The following TEX11 variants were observed in gnomAD, a reference collection of about 807,000 sequenced individuals.
TEX11 encodes testis-expressed protein 11.
Under a neutral mutation model 84.4 loss-of-function variants are expected in TEX11, and 7 were observed. The observed-to-expected ratio is 0.08, with a 90% CI of 0.05 to 0.16. The LOEUF is 0.16. Among genes scored for constraint, TEX11 ranks in the 10% least tolerant of loss-of-function variants. The pLI is 1.00. For synonymous variants in TEX11, 264 were observed against 222.8 expected, an observed-to-expected ratio of 1.18 and a Z score of -1.64; for missense variants, 551 against 660.5, an observed-to-expected ratio of 0.83 and a Z score of 1.82.
intron 11 of TEX11, among the ~76,000 whole-genome samples, chrX:70,732,152 C>T (rs1288369134): frequency 1.8e-5 from 2 of 111,396 alleles, no homozygotes; most frequent in Non-Finnish European, 3.8e-5. Flanking sequence ...TGGGATGTAT[C>T]TCAAAATAAT....
chrX:70,658,137 G>A (rs1249315527), intron 16 of TEX11, among the ~76,000 whole-genome samples: 1 of 111,521 alleles, frequency 9.0e-6, no homozygotes, highest in African/African-American at 3.3e-5. Flanking sequence ...ATTAGCGGTG[G>A]GGCGTCGTGA....
chrX:70,820,892 G>A (rs892151901), intron 8 of TEX11, among the ~76,000 whole-genome samples: 4 of 111,411 alleles, frequency 3.6e-5, no homozygotes, highest in Non-Finnish European at 5.6e-5. Flanking sequence ...ACCTGAAACC[G>A]TAAAACTTTT....
At chrX:70,511,714 T>C in the TEX11 span, among the ~76,000 whole-genome samples, 2 of 86,359 alleles carry the variant, frequency 2.3e-5, no homozygotes, top group Admixed American at 1.4e-4. Flanking sequence ...GACCGCACCA[T>C]TGCACTCCAA....
At chrX:70,550,874 G>A (rs1032814791) in intron 28 of TEX11, among the ~76,000 whole-genome samples, 2 of 111,453 alleles carry the variant, frequency 1.8e-5, no homozygotes, top group Non-Finnish European at 3.8e-5. Flanking sequence ...TTGAGTTACC[G>A]TATGATCCAG....
chrX:70,512,914 C>T, the TEX11 span, among the ~76,000 whole-genome samples: 5 of 109,176 alleles, frequency 4.6e-5, no homozygotes, highest in Non-Finnish European at 7.6e-5. Context: ...GCAGTTGTCC[C>T]TCTTGTAGGG....
intron 14 of TEX11, among the ~76,000 whole-genome samples, chrX:70,679,841 C>T (rs2090124073): frequency 9.9e-6 from 1 of 100,892 alleles, no homozygotes; most frequent in African/African-American, 3.6e-5. Flanking sequence ...GAGGGGTCAG[C>T]CCCCCGCCCG....
chrX:70,811,297 C>A (rs2091252618), intron 8 of TEX11, among the ~76,000 whole-genome samples: 1 of 109,659 alleles, frequency 9.1e-6, no homozygotes, highest in Admixed American at 9.8e-5. Context: ...GTCTTTGTGA[C>A]AGTTTGCTGA....
chrX:70,763,337 T>G (rs897444015), intron 9 of TEX11, among the ~76,000 whole-genome samples: 1 of 111,292 alleles, frequency 9.0e-6, no homozygotes, highest in African/African-American at 3.3e-5. Flanking sequence ...GTGAAGTGAC[T>G]CAGGAATGGA....
At chrX:70,589,822 T>C (rs2088904636) in intron 25 of TEX11, among the ~76,000 whole-genome samples, 1 of 112,340 alleles carries the variant, frequency 8.9e-6, no homozygotes, top group South Asian at 3.7e-4. Flanking sequence ...GCATACTTGC[T>C]TAAAGAAAAG....
At chrX:70,842,392 C>T (rs1323661856) in intron 7 of TEX11, among the ~76,000 whole-genome samples, 1 of 111,443 alleles carries the variant, frequency 9.0e-6, no homozygotes, top group Non-Finnish European at 1.9e-5. Context: ...ACATGATTAT[C>T]TCAATAGATG....
intron 9 of TEX11, among the ~76,000 whole-genome samples, chrX:70,760,293 C>G (rs1317890997): frequency 9.0e-6 from 1 of 111,670 alleles, no homozygotes; most frequent in Non-Finnish European, 1.9e-5. Flanking sequence ...CAAAAAAGAG[C>G]CCACATTACC....
At chrX:70,658,973 A>C (rs2089900030) in intron 16 of TEX11, among the ~76,000 whole-genome samples, 1 of 112,372 alleles carries the variant, frequency 8.9e-6, no homozygotes, top group African/African-American at 3.2e-5. Flanking sequence ...CAGTCTTTTC[A>C]ACAAATGGTG....
intron 5 of TEX11, among the ~76,000 whole-genome samples, chrX:70,856,273 A>G (rs1346871452): frequency 9.0e-6 from 1 of 111,512 alleles, no homozygotes; most frequent in Non-Finnish European, 1.9e-5. Context: ...GGTGAAGAAG[A>G]GTATATATGG....
In TEX11 at chrX:70,856,143, G is replaced by A. The variant is rs192674050; in HGVS notation, c.325-2815C>T. On this transcript the variant is annotated intron_variant, in intron 5 of 29. Coordinates refer to ENST00000374333, the MANE Select transcript of TEX11 (RefSeq NM_031276.3). The stretch of plus-strand genomic sequence containing the variant: ...TCCAAATGTCCATCAAGGGAGGCTG[G>A]TTGAACATAATAAGGTACATACAGC... 2.7e-5 allele frequency among the ~76,000 whole-genome samples: 3 copies of A among 111,735 alleles called. No homozygotes were observed. In the Admixed American group the frequency reaches 2.9e-4, roughly 11 times the overall value.
At chrX:70,572,775 C>G (rs1335543595) in intron 25 of TEX11, among the ~76,000 whole-genome samples, 1 of 100,331 alleles carries the variant, frequency 1.0e-5, no homozygotes, top group African/African-American at 3.7e-5. Context: ...ACCGCATGTT[C>G]TCACTCATAG....
At chrX:70,570,021 G>A (rs943315119) in intron 25 of TEX11, among the ~76,000 whole-genome samples, 1 of 112,232 alleles carries the variant, frequency 8.9e-6, no homozygotes, top group Non-Finnish European at 1.9e-5. Flanking sequence ...GGAGCCTACA[G>A]AGGCAGGCAG....
At chrX:70,902,202 G>T (rs2091807220) in intron 2 of TEX11, among the ~76,000 whole-genome samples, 1 of 111,930 alleles carries the variant, frequency 8.9e-6, no homozygotes, top group Admixed American at 9.5e-5. Context: ...GGTGAGCCAC[G>T]ATCACACCAC....
chrX:70,905,112 C>T (rs1228650698), intron 2 of TEX11, among the ~76,000 whole-genome samples: 1 of 111,447 alleles, frequency 9.0e-6, no homozygotes, highest in Non-Finnish European at 1.9e-5. Flanking sequence ...TGCCTGAGCT[C>T]AGGAGTTCCA....
At chrX:70,643,794 A>G (rs1478150574) in intron 17 of TEX11, among the ~76,000 whole-genome samples, 1 of 108,015 alleles carries the variant, frequency 9.3e-6, no homozygotes, top group Non-Finnish European at 1.9e-5. Context: ...AGACTTAAAC[A>G]TTCGACCTAA....
Sources: gnomAD v4.1 joint callset for allele counts (sites outside exome capture counted in the v4.1 genomes callset) on GRCh38, gnomAD v4.1.1 for gene constraint, MANE v1.5 for transcripts, NCBI Gene and HGNC (gene_info 2026-07-23, HGNC 2026-07-21) for gene names.